TMX2: variants seen among roughly 807,000 people sequenced by gnomAD.
The protein encoded by TMX2 is thioredoxin related transmembrane protein 2, also known as thioredoxin-related transmembrane protein 2.
Under a neutral mutation model 33.4 loss-of-function variants are expected in TMX2, and 20 were observed. The ratio of observed to expected loss-of-function variants is 0.60; its 90% confidence interval spans 0.42 to 0.87. The LOEUF is 0.87. Among genes scored for constraint, TMX2 ranks in the 40% least tolerant of loss-of-function variants. The pLI is 0.00. For synonymous variants in TMX2, 166 were observed against 140.7 expected (o/e 1.18, Z -1.27); for missense variants, 340 against 370.7 (o/e 0.92, Z 0.68).
chr11:57,718,478 C>T (rs911083052), intron 1 of TMX2: 48 of 934,750 alleles, frequency 5.1e-5, no homozygotes, highest in Middle Eastern at 4.3e-4. Context: ...GAAGGAGATG[C>T]GGCCCAGGGG....
intron 1 of TMX2, among the ~76,000 whole-genome samples, chr11:57,721,624 T>G (rs1947639081): frequency 6.6e-6 from 1 of 152,108 alleles, no homozygotes. Flanking sequence ...TCTAAAATGT[T>G]TTTTAAATAA....
chr11:57,716,013 T>C (rs1000144659), intron 1 of TMX2, among the ~76,000 whole-genome samples: 1 of 152,204 alleles, frequency 6.6e-6, no homozygotes, highest in Non-Finnish European at 1.5e-5. Context: ...CCATCCGATT[T>C]TTCAATCTTT....
Sources: allele counts gnomAD v4.1 joint callset (sites outside exome capture counted in the v4.1 genomes callset), GRCh38; gene constraint gnomAD v4.1.1; transcripts MANE v1.5; gene names NCBI Gene and HGNC (gene_info 2026-07-23, HGNC 2026-07-21).